The following CA10 variants were observed in gnomAD, a reference collection of about 807,000 sequenced individuals.
CA10 encodes carbonic anhydrase-related protein 10.
In CA10, 14 loss-of-function variants were observed where a neutral mutation model predicts 44.2. That is an observed-to-expected ratio of 0.32 (90% CI 0.21 to 0.50). The LOEUF (loss-of-function observed/expected upper bound fraction) is 0.50. CA10 is among the 20% of genes least tolerant of loss of function. CA10 has a pLI of 0.99. For missense variants in CA10, 350 were observed against 409.7 expected (o/e 0.85, Z 1.26); for synonymous variants, 159 against 141.6 (o/e 1.12, Z -0.87).
At chr17:52,022,103 G>A (rs1322798616) in intron 2 of CA10, among the ~76,000 whole-genome samples, 1 of 151,934 alleles carries the variant, frequency 6.6e-6, no homozygotes, top group Non-Finnish European at 1.5e-5. Context: ...TAATTCATTT[G>A]ATGAAATCAG....
chr17:51,902,065 T>C (rs1029208105), intron 3 of CA10, among the ~76,000 whole-genome samples: 3 of 152,162 alleles, frequency 2.0e-5, no homozygotes, highest in African/African-American at 7.2e-5. Context: ...ATCTTTTCTG[T>C]CTTATTTTTC....
chr17:51,851,219 T>C (rs1161908049), intron 3 of CA10, among the ~76,000 whole-genome samples: 2 of 152,202 alleles, frequency 1.3e-5, no homozygotes, highest in Non-Finnish European at 2.9e-5. Flanking sequence ...TAATATCTTC[T>C]AGGCTGGACA....
intron 1 of CA10, among the ~76,000 whole-genome samples, chr17:52,114,122 T>G (rs1988841785): frequency 6.6e-6 from 1 of 152,224 alleles, no homozygotes; most frequent in Non-Finnish European, 1.5e-5. Context: ...CTAAAACATC[T>G]ACAAGTGAGT....
rs547579670 is a variant in CA10, at chr17:51,820,182, G to A, written c.280-72364C>T. Among the ~76,000 whole-genome samples the A allele has an allele frequency of 1.6e-4, 13 of 79,502 alleles. No individual in the cohort carries two copies. The East Asian group carries it at 2.1e-3, about 13-fold the overall frequency. 52.2% of individuals were successfully genotyped at this position (79,502 alleles called of 152,430 possible). ...CTGACTCCAGAACATGAACCTGAGC[G>A]CCGCCCCCCCCCCCCCAGGTAATAC... On this transcript the variant is annotated intron_variant, in intron 3 of 8. Transcript: ENST00000451037.
intron 2 of CA10, among the ~76,000 whole-genome samples, chr17:52,042,353 A>G (rs1330756276): frequency 6.6e-6 from 1 of 152,016 alleles, no homozygotes; most frequent in Non-Finnish European, 1.5e-5. Context: ...ATGATGTTAA[A>G]TGCCTTTTCA....
chr17:52,126,519 G>A (rs1955523651), intron 1 of CA10, among the ~76,000 whole-genome samples: 1 of 152,160 alleles, frequency 6.6e-6, no homozygotes, highest in African/African-American at 2.4e-5. Context: ...GTTTACTGCT[G>A]TGCCCTTGAA....
At chr17:51,828,239 G>T (rs1405187) in intron 3 of CA10, among the ~76,000 whole-genome samples, 1 of 152,018 alleles carries the variant, frequency 6.6e-6, no homozygotes, top group African/African-American at 2.4e-5. Context: ...AGTGGTTTTC[G>T]TGGAGGTTAT....
In CA10 at chr17:51,752,464, G is replaced by A. The variant is rs150893841; in HGVS notation, c.280-4646C>T. 1.3e-4 allele frequency among the ~76,000 whole-genome samples: 20 copies of A among 151,948 alleles called. No individual in the cohort carries two copies. The East Asian group carries it at 3.7e-3, about 28-fold the overall frequency. Reference sequence around the variant, plus strand: ...TCACTGCAAAATAAGGTGTGAGATGGGTGTGATGTCCATTTTACCAGCAAA... The same window carrying A: ...TCACTGCAAAATAAGGTGTGAGATGAGTGTGATGTCCATTTTACCAGCAAA... On this transcript the variant is annotated intron_variant, in intron 3 of 8. Coordinates refer to ENST00000451037, the MANE Select transcript of CA10 (RefSeq NM_020178.5).
At chr17:51,887,268 T>C (rs578230283) in intron 3 of CA10, among the ~76,000 whole-genome samples, 2 of 151,844 alleles carry the variant, frequency 1.3e-5, no homozygotes, top group African/African-American at 4.8e-5. Flanking sequence ...CCAATAGAAC[T>C]GCTCTTAAAG....
At chr17:51,973,665 G>A (rs551872403) in intron 2 of CA10, among the ~76,000 whole-genome samples, 1 of 152,142 alleles carries the variant, frequency 6.6e-6, no homozygotes, top group Non-Finnish European at 1.5e-5. Context: ...GAGCCTTAAA[G>A]TAGTCTTTAG....
chr17:51,926,591 G>A (rs1982439709), intron 3 of CA10, among the ~76,000 whole-genome samples: 1 of 152,156 alleles, frequency 6.6e-6, no homozygotes, highest in Non-Finnish European at 1.5e-5. Context: ...GAAGCTCCAA[G>A]GAAGAATCTG....
chr17:51,924,915 CAGT>C (rs1982365250), intron 3 of CA10, among the ~76,000 whole-genome samples: 1 of 152,194 alleles, frequency 6.6e-6, no homozygotes, highest in Non-Finnish European at 1.5e-5. Flanking sequence ...TTGGCGACAA[CAGT>C]AGTTTTAGCC....
intron 1 of CA10, among the ~76,000 whole-genome samples, chr17:52,146,671 AAAATAAATAAAT>A (rs138199238): frequency 1.3e-5 from 2 of 149,444 alleles, no homozygotes; most frequent in African/African-American, 2.5e-5. Flanking sequence ...ACTCCGTCTC[AAAATAAATAAAT>A]AAATAAATAA....
chr17:51,889,309 C>G (rs1980751633), intron 3 of CA10, among the ~76,000 whole-genome samples: 1 of 149,920 alleles, frequency 6.7e-6, no homozygotes, highest in Admixed American at 6.7e-5. Context: ...ATTGCTTGAG[C>G]CCAGGAGCTC....
intron 1 of CA10, among the ~76,000 whole-genome samples, chr17:52,107,216 C>T (rs1302009633): frequency 6.6e-6 from 1 of 152,184 alleles, no homozygotes; most frequent in East Asian, 1.9e-4. Flanking sequence ...AAGCCAGGTG[C>T]CCTGCGATCG....
intron 3 of CA10, among the ~76,000 whole-genome samples, chr17:51,840,554 G>T (rs1598074882): frequency 6.6e-6 from 1 of 151,654 alleles, no homozygotes; most frequent in Non-Finnish European, 1.5e-5. Context: ...ACACAGAGTT[G>T]GTAGGTGATA....
chr17:51,717,383 C>T (rs928780238), intron 4 of CA10, among the ~76,000 whole-genome samples: 1 of 151,752 alleles, frequency 6.6e-6, no homozygotes, highest in Admixed American at 6.6e-5. Context: ...AGTAGTACTA[C>T]TATTTGATCC....
At chr17:52,102,516 T>C (rs932513214) in intron 1 of CA10, among the ~76,000 whole-genome samples, 3 of 152,144 alleles carry the variant, frequency 2.0e-5, no homozygotes, top group Non-Finnish European at 4.4e-5. Flanking sequence ...TTAAGAAACA[T>C]GGAACTTTAA....
At chr17:51,638,644 G>T (rs1164554444) in intron 6 of CA10, among the ~76,000 whole-genome samples, 1 of 152,214 alleles carries the variant, frequency 6.6e-6, no homozygotes, top group East Asian at 1.9e-4. Context: ...GATGTGTCAG[G>T]CACTAAGCCA....
Sources: allele counts gnomAD v4.1 joint callset (sites outside exome capture counted in the v4.1 genomes callset), GRCh38; gene constraint gnomAD v4.1.1; transcripts MANE v1.5; gene names NCBI Gene and HGNC (gene_info 2026-07-23, HGNC 2026-07-21).